NT5C2: variants seen among roughly 807,000 people sequenced by gnomAD.
NT5C2 encodes 5'-nucleotidase, cytosolic II.
Under a neutral mutation model 76.1 loss-of-function variants are expected in NT5C2, and 58 were observed. That is an observed-to-expected ratio of 0.76 (90% CI 0.62 to 0.95). The LOEUF (loss-of-function observed/expected upper bound fraction) is 0.95, where lower values mean the gene tolerates loss of function less well. NT5C2 is among the 40% of genes least tolerant of loss of function. The probability of loss-of-function intolerance (pLI) is 0.00; values close to 1 mark genes in which losing one functional copy is unlikely to be tolerated. For synonymous variants in NT5C2, 229 were observed against 237.4 expected, an observed-to-expected ratio of 0.96 and a Z score of 0.32; for missense variants, 478 against 690.3, an observed-to-expected ratio of 0.69 and a Z score of 3.45.
At chr10:103,112,543 C>G (rs2135442184) in intron 4 of NT5C2, among the ~76,000 whole-genome samples, 1 of 152,258 alleles carries the variant, frequency 6.6e-6, no homozygotes, top group South Asian at 2.1e-4. Flanking sequence ...TATACTGACA[C>G]TTTAAAGATA....
At position 103,125,249 on chromosome 10, in the gene NT5C2, T is replaced by C. The variant is rs565388040; in HGVS notation, c.175+14157A>G. On this transcript the variant is annotated intron_variant, in intron 4 of 18. Transcript: ENST00000404739. ...TACAATTTTCCCAGCTCTGTGATCATCAATGATTTCAAATTCGCCAATGGA... is the reference window on the plus strand; with the variant it reads ...TACAATTTTCCCAGCTCTGTGATCACCAATGATTTCAAATTCGCCAATGGA... 16 of 747,006 alleles carry C rather than the reference T, an allele frequency of 2.1e-5. 1 individual carries two copies. Among genetic ancestry groups the C allele is most frequent in the Admixed American group, 2.1e-4 (11 of 51,856 alleles). The allele number at this position is 747,006 out of a possible 1,614,324, so 46.3% of individuals were successfully genotyped here.
At chr10:103,160,802 C>T (rs1348189110) in intron 3 of NT5C2, among the ~76,000 whole-genome samples, 1 of 152,144 alleles carries the variant, frequency 6.6e-6, no homozygotes, top group Non-Finnish European at 1.5e-5. Flanking sequence ...ATCACGAGGT[C>T]AAGAGATCGA....
chr10:103,159,195 T>G (rs113075629), intron 3 of NT5C2, among the ~76,000 whole-genome samples: 1 of 151,018 alleles, frequency 6.6e-6, no homozygotes, highest in Admixed American at 6.6e-5. Flanking sequence ...ATCAGGCCCG[T>G]GAATAGCCAC....
In NT5C2 at chr10:103,177,833, C is replaced by T. The variant is rs374943057; in HGVS notation, c.-24-2851G>A. On this transcript the variant is annotated intron_variant, in intron 2 of 18. Coordinates refer to ENST00000404739, the MANE Select transcript of NT5C2 (RefSeq NM_001351169.2). ...ATAAAATTGGCCACTTTAAAGTGAA[C>T]AAGTTGGTGGCATTTAGTGCAACCA... 7.9e-5 allele frequency among the ~76,000 whole-genome samples: 12 copies of T among 152,130 alleles called. No homozygotes were observed. In the East Asian group the frequency reaches 1.9e-3, roughly 24 times the overall value.
At chr10:103,161,192 TC>T (rs1462434443) in intron 3 of NT5C2, among the ~76,000 whole-genome samples, 1 of 152,226 alleles carries the variant, frequency 6.6e-6, no homozygotes, top group Non-Finnish European at 1.5e-5. Context: ...ATATTTTTTT[TC>T]TTTAGACAAG....
intron 1 of NT5C2, among the ~76,000 whole-genome samples, chr10:103,183,291 A>ATC (rs1445988095): frequency 7.8e-6 from 1 of 128,146 alleles, no homozygotes; most frequent in East Asian, 2.4e-4. Flanking sequence ...ATATATATAT[A>ATC]TATCACACAC....
chr10:103,105,477 A>G, intron 6 of NT5C2: 1 of 568,310 alleles, frequency 1.8e-6, no homozygotes, highest in African/African-American at 1.9e-5. Context: ...GTTTTGTTGT[A>G]TGCTGTATAA....
At chr10:103,174,175 G>A (rs920962198) in intron 3 of NT5C2, among the ~76,000 whole-genome samples, 1 of 152,104 alleles carries the variant, frequency 6.6e-6, no homozygotes, top group African/African-American at 2.4e-5. Flanking sequence ...GGGAGGCTGA[G>A]GTGGGGAGAT....
chr10:103,107,228 C>T (rs913696602), intron 4 of NT5C2, among the ~76,000 whole-genome samples: 2 of 152,202 alleles, frequency 1.3e-5, no homozygotes, highest in Admixed American at 6.5e-5. Context: ...CTCCAATCAA[C>T]ATATTTGTTC....
chr10:103,099,940 A>G lies in NT5C2; in HGVS notation c.619T>C (p.Trp207Arg). ...CTTCTAGGTACCTTGTAATGAACCC[A>G]GTCAACAGCATCTCTTACATCCTGG... ...MFQDVRDAVD[W>R]VHYKGSLKEK... Residue 207 changes from tryptophan (W) to arginine (R), a missense_variant, in exon 9 of 19, where the codon TGG (tryptophan) becomes CGG (arginine). By Grantham distance (101) the Trp-to-Arg change is moderately radical. Transcript: ENST00000404739. 3 of 1,610,208 alleles carry G rather than the reference A, an allele frequency of 1.9e-6. No individual in the cohort carries two copies. The highest frequency in any genetic ancestry group is 2.5e-6 in the Non-Finnish European group (3 of 1,176,582).
chr10:103,193,186 C>T (rs2135650969), intron 1 of NT5C2, 50 bp downstream of exon 1: 1 of 152,406 alleles, frequency 6.6e-6, no homozygotes, highest in East Asian at 1.9e-4. Flanking sequence ...CACCTAGCTC[C>T]CCGTTCGCCC....
chr10:103,181,704 G>A (rs1213867571), intron 1 of NT5C2, among the ~76,000 whole-genome samples: 1 of 152,122 alleles, frequency 6.6e-6, no homozygotes, highest in East Asian at 1.9e-4. Flanking sequence ...ACTGATAAAA[G>A]TATAAAAATA....
At chr10:103,153,589 C>A (rs2082780942) in intron 3 of NT5C2, 1 of 985,240 alleles carries the variant, frequency 1.0e-6, no homozygotes, top group Admixed American at 6.2e-5. Context: ...AGGAAGGAGA[C>A]AATCCAAATG....
intron 4 of NT5C2, among the ~76,000 whole-genome samples, chr10:103,122,742 C>A (rs2075912063): frequency 6.6e-6 from 1 of 152,170 alleles, no homozygotes; most frequent in African/African-American, 2.4e-5. Flanking sequence ...CATCCTTATA[C>A]CACGAGGAAA....
intron 1 of NT5C2, among the ~76,000 whole-genome samples, chr10:103,192,275 C>T (rs893388035): frequency 2.6e-5 from 4 of 152,134 alleles, no homozygotes; most frequent in African/African-American, 9.7e-5. Flanking sequence ...CCTGGACGGG[C>T]GCGCACACAC....
intron 4 of NT5C2, among the ~76,000 whole-genome samples, chr10:103,114,330 A>G (rs2073834142): frequency 1.3e-5 from 2 of 152,252 alleles, no homozygotes; most frequent in Non-Finnish European, 2.9e-5. Context: ...TATCACTGGT[A>G]CCAGGGAGGC....
At chr10:103,093,039 C>G in intron 15 of NT5C2, 100 bp downstream of exon 15, 1 of 1,048,450 alleles carries the variant, frequency 9.5e-7, no homozygotes, top group South Asian at 2.4e-5. Flanking sequence ...TTTTGACCAC[C>G]TCTGACTTCC....
intron 18 of NT5C2, 111 bp from the exon 19 acceptor site, chr10:103,090,019 A>T: frequency 1.3e-6 from 1 of 747,136 alleles, no homozygotes; most frequent in South Asian, 2.1e-5. Context: ...TCTATAATGG[A>T]CCACAGGACA....
chr10:103,161,467 C>T (rs1320709722), intron 3 of NT5C2, among the ~76,000 whole-genome samples: 1 of 152,164 alleles, frequency 6.6e-6, no homozygotes, highest in Non-Finnish European at 1.5e-5. Flanking sequence ...CAGGCATCAG[C>T]CACTGTGCCT....
Sources: allele counts gnomAD v4.1 joint callset (sites outside exome capture counted in the v4.1 genomes callset), GRCh38; gene constraint gnomAD v4.1.1; transcripts MANE v1.5; gene names NCBI Gene and HGNC (gene_info 2026-07-23, HGNC 2026-07-21).